MEIS2: variants seen among roughly 807,000 people sequenced by gnomAD.
The protein encoded by MEIS2 is homeobox protein Meis2.
MEIS2 carries 9 observed loss-of-function variants against 58.6 expected under a neutral mutation model. That is an observed-to-expected ratio of 0.15 (90% confidence interval 0.09 to 0.27). MEIS2 has a LOEUF of 0.27. MEIS2 is among the 10% of genes least tolerant of loss of function. MEIS2 has a pLI of 1.00. For synonymous variants in MEIS2, 221 were observed against 228.4 expected, an observed-to-expected ratio of 0.97 and a Z score of 0.29; for missense variants, 427 against 635.0, an observed-to-expected ratio of 0.67 and a Z score of 3.52.
intron 7 of MEIS2, among the ~76,000 whole-genome samples, chr15:37,069,456 A>T (rs974452928): frequency 1.3e-5 from 2 of 152,214 alleles, no homozygotes; most frequent in African/African-American, 4.8e-5. Context: ...ATCATATGGC[A>T]AAGATAGTCT....
chr15:36,953,238 G>C (rs1316767263), intron 8 of MEIS2, among the ~76,000 whole-genome samples: 6 of 152,136 alleles, frequency 3.9e-5, no homozygotes, highest in Non-Finnish European at 7.4e-5. Context: ...TGGAACTAGA[G>C]TATTTCTACT....
intron 7 of MEIS2, among the ~76,000 whole-genome samples, chr15:37,061,438 T>C (rs113113856): frequency 0.018 from 2,794 of 152,272 alleles, 89 homozygotes; most frequent in African/African-American, 0.063. Context: ...TACAAAACAA[T>C]GACTGCACTC....
chr15:36,975,004 C>A (rs2059692137), intron 8 of MEIS2, among the ~76,000 whole-genome samples: 1 of 152,150 alleles, frequency 6.6e-6, no homozygotes, highest in African/African-American at 2.4e-5. Context: ...ATTATCAAGG[C>A]TAAGGCAAGC....
At chr15:36,992,240 A>T (rs1821882439) in intron 8 of MEIS2, among the ~76,000 whole-genome samples, 1 of 152,100 alleles carries the variant, frequency 6.6e-6, no homozygotes, top group Non-Finnish European at 1.5e-5. Flanking sequence ...TTAATTAGTC[A>T]AATTAGCTTA....
chr15:37,047,877 T>C, intron 7 of MEIS2, among the ~76,000 whole-genome samples: 1 of 152,274 alleles, frequency 6.6e-6, no homozygotes, highest in East Asian at 1.9e-4. Flanking sequence ...TCTGCTTTAG[T>C]AATTACTCTC....
chr15:37,081,806 T>A (rs1892242056), intron 7 of MEIS2, among the ~76,000 whole-genome samples: 2 of 152,148 alleles, frequency 1.3e-5, no homozygotes, highest in Non-Finnish European at 2.9e-5. Flanking sequence ...CCTACAGGGA[T>A]CAAATCCTTC....
chr15:36,925,500 T>C (rs529250202), intron 9 of MEIS2, among the ~76,000 whole-genome samples: 6 of 151,884 alleles, frequency 4.0e-5, no homozygotes, highest in African/African-American at 1.5e-4. Flanking sequence ...CATTTTTTTT[T>C]ATTGAATTTC....
chr15:36,909,769 T>C (rs2056913731), intron 9 of MEIS2, among the ~76,000 whole-genome samples: 1 of 148,522 alleles, frequency 6.7e-6, no homozygotes, highest in Admixed American at 6.9e-5. Flanking sequence ...GGGACATAAC[T>C]GTACTGGGGA....
intron 7 of MEIS2, among the ~76,000 whole-genome samples, chr15:37,048,068 A>T (rs1392421276): frequency 6.6e-6 from 1 of 152,184 alleles, no homozygotes; most frequent in Non-Finnish European, 1.5e-5. Flanking sequence ...TAGCTGGCTA[A>T]CATCTCTGAA....
chr15:36,921,002 CA>C (rs1266244785), intron 9 of MEIS2, among the ~76,000 whole-genome samples: 1 of 151,248 alleles, frequency 6.6e-6, no homozygotes, highest in Non-Finnish European at 1.5e-5. Flanking sequence ...AAAACAAAAA[CA>C]AAAACAAAAA....
intron 11 of MEIS2, chr15:36,894,717 T>C (rs1246602202): frequency 6.2e-7 from 1 of 1,608,478 alleles, no homozygotes; most frequent in East Asian, 2.2e-5. Flanking sequence ...CTGTACTTAC[T>C]TCCCCCTTGC....
chr15:36,946,964 G>C (rs2058588607), intron 9 of MEIS2, among the ~76,000 whole-genome samples: 1 of 151,968 alleles, frequency 6.6e-6, no homozygotes, highest in East Asian at 1.9e-4. Flanking sequence ...AGGTTATTCA[G>C]GTTGAGGATA....
intron 6 of MEIS2, among the ~76,000 whole-genome samples, chr15:37,091,749 T>C (rs774300683): frequency 3.3e-5 from 5 of 152,178 alleles, no homozygotes; most frequent in Admixed American, 1.3e-4. Flanking sequence ...TCTAGCTGTA[T>C]ACATCCACTG....
chr15:36,955,794 T>G (rs1302114823), intron 8 of MEIS2, among the ~76,000 whole-genome samples: 20 of 152,180 alleles, frequency 1.3e-4, no homozygotes. Context: ...ATCTCTTGAT[T>G]TGTGTTTCTA....
chr15:36,943,740 C>T (rs1012333283), intron 9 of MEIS2, among the ~76,000 whole-genome samples: 2 of 152,118 alleles, frequency 1.3e-5, no homozygotes, highest in Admixed American at 6.5e-5. Flanking sequence ...GCTATGAAAA[C>T]CATATTTCAT....
At chr15:37,011,201 A>G (rs57844210) in intron 8 of MEIS2, among the ~76,000 whole-genome samples, 15,379 of 152,282 alleles carry the variant, frequency 0.1, 838 homozygotes, top group East Asian at 0.22. Context: ...TACTAAATTT[A>G]GATACGTAAC....
chr15:36,892,073 C>A lies in MEIS2; in HGVS notation c.*100G>T. 1 of 1,269,236 alleles carries A rather than the reference C, an allele frequency of 7.9e-7. No individual in the cohort carries two copies. Among genetic ancestry groups the A allele is most frequent in the Non-Finnish European group, 1.1e-6 (1 of 892,874 alleles). 78.6% of individuals were successfully genotyped at this position (1,269,236 alleles called of 1,614,324 possible). A position where few individuals can be genotyped will look rare whatever the true frequency, so the allele number is the denominator to read the frequency against. On this transcript the variant is annotated 3_prime_UTR_variant, in exon 12 of 12. Transcript: ENST00000561208. ...TGACAAAAGTAAAAAATAATCACAG[C>A]TGTCTGGAATTTCATATTAAGTGTC...
intron 7 of MEIS2, among the ~76,000 whole-genome samples, chr15:37,052,934 G>A (rs1391403863): frequency 2.0e-5 from 3 of 152,158 alleles, no homozygotes; most frequent in Non-Finnish European, 4.4e-5. Context: ...GGAGCTGAAA[G>A]CCATGTAATT....
chr15:37,087,125 G>A (rs1202189926), intron 6 of MEIS2, among the ~76,000 whole-genome samples: 2 of 152,072 alleles, frequency 1.3e-5, no homozygotes, highest in South Asian at 2.1e-4. Context: ...AGAAACGCTC[G>A]CCGGGTGCCC....
Sources: allele counts gnomAD v4.1 joint callset (sites outside exome capture counted in the v4.1 genomes callset), GRCh38; gene constraint gnomAD v4.1.1; transcripts MANE v1.5; gene names NCBI Gene and HGNC (gene_info 2026-07-23, HGNC 2026-07-21).